The following HNRNPUL2 variants were observed in gnomAD, a reference collection of about 807,000 sequenced individuals.
HNRNPUL2 encodes heterogeneous nuclear ribonucleoprotein U like 2.
A neutral mutation model predicts 102.2 loss-of-function variants in HNRNPUL2; 27 were observed. The observed-to-expected ratio is 0.26, with a 90% CI of 0.19 to 0.36. The LOEUF is 0.36. HNRNPUL2 is among the 10% of genes least tolerant of loss of function. The pLI is 1.00. For missense variants in HNRNPUL2, 936 were observed against 981.1 expected, an observed-to-expected ratio of 0.95 and a Z score of 0.61; for synonymous variants, 458 against 387.2, an observed-to-expected ratio of 1.18 and a Z score of -2.15.
intron 4 of HNRNPUL2, 126 bp from the exon 5 acceptor site, chr11:62,723,029 A>G: frequency 1.4e-6 from 1 of 692,030 alleles, no homozygotes; most frequent in Non-Finnish European, 2.5e-6. Flanking sequence ...TCAGAATAAC[A>G]ATCACTGAAC....
Position 62,727,182 on chromosome 11 carries a change from C to T in HNRNPUL2, c.-26G>A. The T allele has an allele frequency of 7.1e-7, 1 of 1,410,384 alleles. No individual in the cohort carries two copies. The highest frequency in any genetic ancestry group is 9.2e-7 in the Non-Finnish European group (1 of 1,082,278). The allele number at this position is 1,410,384 out of a possible 1,614,324, so 87.4% of individuals were successfully genotyped here. A position where few individuals can be genotyped will look rare whatever the true frequency, so the allele number is the denominator to read the frequency against. On this transcript the variant is annotated 5_prime_UTR_variant, in exon 1 of 14. Transcript: ENST00000301785. ...CGCCGCCGCCGCCTCCTCCGCCTCCCGCCGCCTCCTCCCCTGCGAACCGTC... is the reference window on the plus strand; with the variant it reads ...CGCCGCCGCCGCCTCCTCCGCCTCCTGCCGCCTCCTCCCCTGCGAACCGTC...
At chr11:62,726,495 G>A (rs992175220) in intron 1 of HNRNPUL2, 124 bp downstream of exon 1, 2 of 978,530 alleles carry the variant, frequency 2.0e-6, no homozygotes, top group South Asian at 1.9e-5. Flanking sequence ...AATGAAAGGA[G>A]TTCCATCAAA....
Position 62,726,724 on chromosome 11 carries a change from C to T in HNRNPUL2, c.433G>A (p.Glu145Lys), listed in dbSNP as rs1465041165. The change falls in exon 1 of 14, where the codon GAA becomes AAA. Residue 145 changes from glutamate (E) to lysine (K), a missense_variant. Glu to Lys is a moderately conservative substitution (Grantham distance 56). Transcript: ENST00000301785. Reference sequence around the variant, plus strand: ...TCCCTCTTGCCGAGGCCCTGCTCTTCGCCACCATTTACCCCGCCTGACCCG... The same window carrying T: ...TCCCTCTTGCCGAGGCCCTGCTCTTTGCCACCATTTACCCCGCCTGACCCG... ...TAGSGGVNGG[E>K]EQGLGKREED... 2 of 1,601,052 alleles carry T rather than the reference C, an allele frequency of 1.2e-6. No individual in the cohort carries two copies. The highest frequency in any genetic ancestry group is 1.3e-5 in the African/African-American group (1 of 75,026).
chr11:62,723,940 T>A lies in HNRNPUL2; in HGVS notation c.725A>T (p.Asp242Val). The A allele has an allele frequency of 6.2e-7, 1 of 1,613,920 alleles. No individual in the cohort carries two copies. The highest frequency in any genetic ancestry group is 8.5e-7 in the Non-Finnish European group (1 of 1,179,800). The stretch of plus-strand genomic sequence containing the variant: ...CGTGTCCAGGTTCACAAGAGTTTGA[T>A]CCTCCTCCTCATCTTTTGCCTCTTC... ...PEEEAKDEEE[D>V]QTLVNLDTYT... Residue 242 changes from aspartate (D) to valine (V), a missense_variant, in exon 3 of 14, where the codon GAT becomes GTT. Physicochemically the swap from Asp to Val is radical, Grantham distance 152. Coordinates refer to ENST00000301785, the MANE Select transcript of HNRNPUL2 (RefSeq NM_001079559.3).
Position 62,721,859 on chromosome 11 carries a change from G to T in HNRNPUL2, c.1443C>A (p.Tyr481Ter). The change falls in exon 8 of 14, where the codon TAC becomes TAA. Residue 481 changes from tyrosine (Y) to a stop codon, truncating the protein, a stop_gained. Coordinates refer to ENST00000301785, the MANE Select transcript of HNRNPUL2 (RefSeq NM_001079559.3). LOFTEE classifies it high-confidence loss of function. ...GCACAGTCTCAGCTCCCAGGACATT[G>T]TATCTTTTCTCAGGGTTTTCTTTTG... is the stretch of plus-strand genomic sequence containing the variant. Reference protein sequence around the residue: ...KYAKENPEKRYNVLGAETVLN... With the variant: ...KYAKENPEKR The T allele has an allele frequency of 6.2e-7, 1 of 1,614,136 alleles. No homozygotes were observed. Among genetic ancestry groups the T allele is most frequent in the Non-Finnish European group, 8.5e-7 (1 of 1,180,008 alleles).
chr11:62,716,340 G>C (rs2083660187), intron 11 of HNRNPUL2, among the ~76,000 whole-genome samples: 1 of 152,182 alleles, frequency 6.6e-6, no homozygotes, highest in Non-Finnish European at 1.5e-5. Flanking sequence ...TCTGTAATCA[G>C]CTCCTCAAGG....
At chr11:62,720,863 C>CAAAAA (rs10615770) in intron 9 of HNRNPUL2, among the ~76,000 whole-genome samples, 4 of 77,276 alleles carry the variant, frequency 5.2e-5, no homozygotes, top group East Asian at 4.1e-4. Flanking sequence ...GACTCGGTCT[C>CAAAAA]AAAAAAAAAA....
rs771484117 is a variant in HNRNPUL2, at chr11:62,726,662, C to T, written c.495G>A (p.Thr165=). 5.0e-6 allele frequency: 8 copies of T among 1,598,778 alleles called. No homozygotes were observed. The highest frequency in any genetic ancestry group is 6.8e-6 in the Non-Finnish European group (8 of 1,178,824). ...DEPEERSGDE[T]PGSEVPGDKA... ...TGTCACCCGGCACCTCGGATCCCGGCGTCTCGTCCCCGCTCCGCTCCTCGG... is the reference window on the plus strand; with the variant it reads ...TGTCACCCGGCACCTCGGATCCCGGTGTCTCGTCCCCGCTCCGCTCCTCGG... The change falls in exon 1 of 14, where the codon ACG becomes ACA. Residue 165 remains threonine (T), a synonymous_variant. Transcript: ENST00000301785.
At chr11:62,721,485 G>A (rs2083702700) in intron 8 of HNRNPUL2, 62 bp from the exon 9 acceptor site, 4 of 1,451,970 alleles carry the variant, frequency 2.8e-6, no homozygotes, top group South Asian at 2.6e-5. Context: ...GCAAGTTAAA[G>A]CCCAAGAGTT....
chr11:62,723,553 A>G (rs371835596), intron 4 of HNRNPUL2, 34 bp downstream of exon 4: 13 of 1,524,638 alleles, frequency 8.5e-6, no homozygotes, highest in Middle Eastern at 1.7e-4. Context: ...CCAGTAATAA[A>G]TGAATGAATG....
At position 62,715,485 on chromosome 11, in the gene HNRNPUL2, C is replaced by G; in HGVS notation, c.2163+15G>C. ...GCCCCCCTTCACCCTGTGTCTATCCCAAGAAGATACTCACATCCCGATTGT... is the reference window on the plus strand; with the variant it reads ...GCCCCCCTTCACCCTGTGTCTATCCGAAGAAGATACTCACATCCCGATTGT... On this transcript the variant is annotated intron_variant, in intron 13 of 13. Coordinates refer to ENST00000301785, the MANE Select transcript of HNRNPUL2 (RefSeq NM_001079559.3). 6.3e-7 allele frequency: 1 copy of G among 1,592,374 alleles called. No homozygotes were observed. The highest frequency in any genetic ancestry group is 1.7e-4 in the Middle Eastern group (1 of 6,030).
In HNRNPUL2 at chr11:62,727,279, C is replaced by A; in HGVS notation, c.-123G>T. The A allele has an allele frequency of 2.5e-6, 3 of 1,178,114 alleles. No homozygotes were observed. Among genetic ancestry groups the A allele is most frequent in the Non-Finnish European group, 3.2e-6 (3 of 943,984 alleles). The allele number at this position is 1,178,114 out of a possible 1,614,324, so 73.0% of individuals were successfully genotyped here. A position where few individuals can be genotyped will look rare whatever the true frequency, so the allele number is the denominator to read the frequency against. ...CTCACGCGCCAGCACTGAGCCCGCG[C>A]GAGCGAGCGCACGCACGCAGGAGCG... On this transcript the variant is annotated 5_prime_UTR_variant, in exon 1 of 14. Transcript: ENST00000301785.
Position 62,715,248 on chromosome 11 carries a change from G to T in HNRNPUL2, c.*51C>A. ...TGGTTGTGTTTTGCGGGGGTGCCTG[G>T]CACCCCCAGAGATTCAGCTTCATGG... On this transcript the variant is annotated 3_prime_UTR_variant, in exon 14 of 14. Coordinates refer to ENST00000301785, the MANE Select transcript of HNRNPUL2 (RefSeq NM_001079559.3). 1 of 1,493,980 alleles carries T rather than the reference G, an allele frequency of 6.7e-7. No individual in the cohort carries two copies. Among genetic ancestry groups the T allele is most frequent in the Non-Finnish European group, 9.2e-7 (1 of 1,084,992 alleles). 92.5% of individuals were successfully genotyped at this position (1,493,980 alleles called of 1,614,324 possible).
At chr11:62,726,103 A>G (rs1433179446) in intron 1 of HNRNPUL2, among the ~76,000 whole-genome samples, 1 of 152,218 alleles carries the variant, frequency 6.6e-6, no homozygotes, top group Non-Finnish European at 1.5e-5. Context: ...CTTACAGCTC[A>G]AAGAGGAGCA....
Position 62,722,150 on chromosome 11 carries a change from A to G in HNRNPUL2, c.1326T>C (p.Thr442=). 1 of 1,614,134 alleles carries G rather than the reference A, an allele frequency of 6.2e-7. No individual in the cohort carries two copies. The highest frequency in any genetic ancestry group is 1.1e-5 in the South Asian group (1 of 91,082). The stretch of plus-strand genomic sequence containing the variant: ...CCTCTATGGTCTTGGGAGGGACTGC[A>G]GTGCGTACACGCTCCTCAACAGGCA... ...HAVPVEERVR[T]AVPPKTIEEC... Residue 442 remains threonine, a synonymous_variant, in exon 7 of 14, where the codon ACT becomes ACC. Transcript: ENST00000301785.
At chr11:62,721,217 C>T in intron 9 of HNRNPUL2, 78 bp downstream of exon 9, 1 of 1,341,418 alleles carries the variant, frequency 7.5e-7, no homozygotes. Context: ...ATTAGGTAAG[C>T]TGACTCTGCT....
Position 62,727,259 on chromosome 11 carries a change from G to T in HNRNPUL2, c.-103C>A, listed in dbSNP as rs924977089. On this transcript the variant is annotated 5_prime_UTR_variant, in exon 1 of 14. Transcript: ENST00000301785. ...CCGCCGCCGCCCGCCTCCGCCTCAC[G>T]CGCCAGCACTGAGCCCGCGCGAGCG... 8.1e-7 allele frequency: 1 copy of T among 1,234,556 alleles called. No homozygotes were observed. Among genetic ancestry groups the T allele is most frequent in the South Asian group, 3.1e-5 (1 of 32,676 alleles). 76.5% of individuals were successfully genotyped at this position (1,234,556 alleles called of 1,614,324 possible). A position where few individuals can be genotyped will look rare whatever the true frequency, so the allele number is the denominator to read the frequency against.
intron 9 of HNRNPUL2, among the ~76,000 whole-genome samples, chr11:62,720,745 T>G (rs1185222579): frequency 6.6e-6 from 1 of 150,730 alleles, no homozygotes; most frequent in East Asian, 2.0e-4. Flanking sequence ...GCACCTGTAG[T>G]CCCAGCTACT....
chr11:62,725,531 G>A (rs1278912132), intron 1 of HNRNPUL2, among the ~76,000 whole-genome samples: 1 of 152,112 alleles, frequency 6.6e-6, no homozygotes, highest in African/African-American at 2.4e-5. Context: ...CTGCTCTTTG[G>A]GATATACATA....
Sources: gnomAD v4.1 joint callset for allele counts (sites outside exome capture counted in the v4.1 genomes callset) on GRCh38, gnomAD v4.1.1 for gene constraint, MANE v1.5 for transcripts, NCBI Gene and HGNC (gene_info 2026-07-23, HGNC 2026-07-21) for gene names.